CABLES1: variants seen among roughly 807,000 people sequenced by gnomAD.
CABLES1 encodes the protein Cdk5 and Abl enzyme substrate 1.
Under a neutral mutation model 57.8 loss-of-function variants are expected in CABLES1, and 36 were observed. That is an observed-to-expected ratio of 0.62 (90% CI 0.48 to 0.82). The LOEUF (loss-of-function observed/expected upper bound fraction) is 0.82. Among genes scored for constraint, CABLES1 ranks in the 40% least tolerant of loss-of-function variants. The pLI is 0.00. For missense variants in CABLES1, 767 were observed against 836.6 expected (o/e 0.92, Z 1.03); for synonymous variants, 374 against 363.0 (o/e 1.03, Z -0.35).
rs188283100 is a variant in CABLES1, at chr18:23,142,827, G to A, written c.845+6220G>A. On this transcript the variant is annotated intron_variant, in intron 1 of 9. Transcript: ENST00000256925. ...CCCACCTGGGGAGGGGTGCAGGGAC[G>A]TTTCACACCCTTCCCTGTGGCAGCT... Among the ~76,000 whole-genome samples, 205 of 152,218 alleles carry A rather than the reference G, an allele frequency of 1.3e-3. 2 individuals are homozygous for A. Among genetic ancestry groups the A allele is most frequent in the Non-Finnish European group, 1.4e-3 (92 of 67,994 alleles).
At chr18:23,144,518 TTGTA>T (rs1283362213) in intron 1 of CABLES1, among the ~76,000 whole-genome samples, 22 of 152,336 alleles carry the variant, frequency 1.4e-4, no homozygotes, top group Admixed American at 1.1e-3. Flanking sequence ...GGGAGGTGAC[TTGTA>T]TGGAGTTCTG....
chr18:23,162,134 C>G (rs1317613473), intron 1 of CABLES1, among the ~76,000 whole-genome samples: 7 of 151,382 alleles, frequency 4.6e-5, no homozygotes, highest in Non-Finnish European at 1.0e-4. Context: ...CATTGCACTC[C>G]AGCCTGGGCG....
chr18:23,220,110 T>G (rs1426627012), intron 4 of CABLES1, among the ~76,000 whole-genome samples: 1 of 152,200 alleles, frequency 6.6e-6, no homozygotes, highest in Non-Finnish European at 1.5e-5. Flanking sequence ...CTAGAGCTGC[T>G]GCTTGAAGCA....
At chr18:23,198,045 C>T (rs1293909904) in intron 3 of CABLES1, 1 of 151,980 alleles carries the variant, frequency 6.6e-6, no homozygotes, top group African/African-American at 2.4e-5. Context: ...ATCGCTTGAG[C>T]TCAGAAGTTC....
At chr18:23,174,525 G>A (rs2144994840) in intron 1 of CABLES1, among the ~76,000 whole-genome samples, 1 of 151,702 alleles carries the variant, frequency 6.6e-6, no homozygotes, top group East Asian at 1.9e-4. Flanking sequence ...AGGCTGGAGT[G>A]CAGTGGCACG....
chr18:23,163,191 TATG>T (rs1337219450), intron 1 of CABLES1, among the ~76,000 whole-genome samples: 28 of 152,000 alleles, frequency 1.8e-4, no homozygotes, highest in Non-Finnish European at 3.7e-4. Context: ...GCTGGCTTAA[TATG>T]GAGGAGGAGG....
intron 3 of CABLES1, among the ~76,000 whole-genome samples, chr18:23,200,690 C>T (rs1439713949): frequency 6.6e-6 from 1 of 152,180 alleles, no homozygotes; most frequent in African/African-American, 2.4e-5. Context: ...TGTCATGTCC[C>T]ATCAACTTCG....
intron 4 of CABLES1, among the ~76,000 whole-genome samples, chr18:23,231,375 G>A (rs117697114): frequency 8.8e-4 from 134 of 152,280 alleles, no homozygotes; most frequent in Non-Finnish European, 1.6e-3. Context: ...TATGGAACAC[G>A]GTAGATAAGG....
chr18:23,225,318 C>T (rs2047520188), intron 4 of CABLES1, among the ~76,000 whole-genome samples: 1 of 152,120 alleles, frequency 6.6e-6, no homozygotes, highest in Non-Finnish European at 1.5e-5. Context: ...CTCAATAGTA[C>T]ATGTTTCTTA....
chr18:23,257,399 CT>C lies in CABLES1; in HGVS notation c.*34del. 6.4e-7 allele frequency: 1 copy of C among 1,556,610 alleles called. No homozygotes were observed. Among genetic ancestry groups the C allele is most frequent in the Admixed American group, 2.2e-5 (1 of 44,988 alleles). ...CCCCGAGGACAGCCAAGGGCCATTT[CT>C]TCTCAGCTTGGTGGAGCAGCACTTA... On this transcript the variant is annotated 3_prime_UTR_variant, in exon 10 of 10. Transcript: ENST00000256925.
chr18:23,195,691 T>C (rs1056445157), intron 3 of CABLES1, among the ~76,000 whole-genome samples: 2 of 152,254 alleles, frequency 1.3e-5, no homozygotes, highest in Non-Finnish European at 2.9e-5. Flanking sequence ...ATGTTCATAT[T>C]TTAAGTACAA....
intron 7 of CABLES1, among the ~76,000 whole-genome samples, chr18:23,238,228 C>G (rs1047653525): frequency 3.3e-5 from 5 of 152,238 alleles, no homozygotes; most frequent in African/African-American, 9.6e-5. Context: ...ACCAATCCCC[C>G]GTACTCAAAG....
chr18:23,219,268 CG>C lies in CABLES1; in HGVS notation c.1088+5217del, dbSNP rs1262042445. The C allele has an allele frequency of 1.5e-5, 7 of 454,028 alleles. No individual in the cohort carries two copies. In the East Asian group the frequency reaches 4.9e-4, roughly 32 times the overall value. 28.1% of individuals were successfully genotyped at this position (454,028 alleles called of 1,614,324 possible). ...TCTGGTCCTCTGTCTGAGTAGGAGA[CG>C]GGAATAAGCTAGTAAACCAATCATC... is the stretch of plus-strand genomic sequence containing the variant. On this transcript the variant is annotated intron_variant, in intron 4 of 9. Transcript: ENST00000256925.
At chr18:23,161,754 CAA>C (rs1184010487) in intron 1 of CABLES1, among the ~76,000 whole-genome samples, 4 of 33,156 alleles carry the variant, frequency 1.2e-4, no homozygotes, top group Middle Eastern at 0.017. Context: ...ACTAAAAATC[CAA>C]AAAAAAAAAA....
intron 1 of CABLES1, among the ~76,000 whole-genome samples, chr18:23,174,639 T>G (rs1404139316): frequency 6.6e-6 from 1 of 151,544 alleles, no homozygotes; most frequent in Non-Finnish European, 1.5e-5. Flanking sequence ...ACCCGGCTAA[T>G]TTTTTTGCAT....
rs565419757 is a variant in CABLES1 at position 23,148,363 on chromosome 18, G to A, written c.845+11756G>A. On this transcript the variant is annotated intron_variant, in intron 1 of 9. Coordinates refer to ENST00000256925, the MANE Select transcript of CABLES1 (RefSeq NM_001100619.3). ...CTCAGGGTCTGTGTGGCCATGATGT[G>A]GAGTTGAGTTGGGTGCTACGTGGGT... Among the ~76,000 whole-genome samples the A allele has an allele frequency of 2.8e-4, 43 of 152,240 alleles. No individual in the cohort carries two copies. The South Asian group carries it at 5.0e-3, about 18-fold the overall frequency.
chr18:23,246,043 A>G (rs760700504), intron 7 of CABLES1, among the ~76,000 whole-genome samples: 12 of 152,172 alleles, frequency 7.9e-5, no homozygotes, highest in Non-Finnish European at 1.5e-4. Context: ...CAAGGTGGGC[A>G]GATCACGAGG....
At chr18:23,235,062 G>GCTT (rs1376971048) in intron 5 of CABLES1, among the ~76,000 whole-genome samples, 4 of 152,190 alleles carry the variant, frequency 2.6e-5, no homozygotes, top group Admixed American at 6.5e-5. Flanking sequence ...AAGTGTCATA[G>GCTT]CTTCCCATGG....
In CABLES1 at chr18:23,259,715, A is replaced by ACGGAACATTCCAGACACGT. The variant is rs2048249375; in HGVS notation, c.*2351_*2369dup. ...TCACTGCCAGAGGCACCTCTGTGAC[A>ACGGAACATTCCAGACACGT]CGGAACATTCCAGACACGTCGCAGC... On this transcript the variant is annotated 3_prime_UTR_variant, in exon 10 of 10. Transcript: ENST00000256925. 1 of 152,240 alleles carries ACGGAACATTCCAGACACGT rather than the reference A, an allele frequency of 6.6e-6. No homozygotes were observed. The highest frequency in any genetic ancestry group is 1.5e-5 in the Non-Finnish European group (1 of 68,096). 9.4% of individuals were successfully genotyped at this position (152,240 alleles called of 1,614,324 possible).
Sources: allele counts gnomAD v4.1 joint callset (sites outside exome capture counted in the v4.1 genomes callset), GRCh38; gene constraint gnomAD v4.1.1; transcripts MANE v1.5; gene names NCBI Gene and HGNC (gene_info 2026-07-23, HGNC 2026-07-21).